Variants in CREB5 observed in about 807,000 individuals in gnomAD.
CREB5 encodes the protein cyclic AMP-responsive element-binding protein 5.
Under a neutral mutation model 57.1 loss-of-function variants are expected in CREB5, and 19 were observed. The ratio of observed to expected loss-of-function variants is 0.33; its 90% CI spans 0.23 to 0.49. CREB5 has a LOEUF of 0.49. Among genes scored for constraint, CREB5 ranks in the 20% least tolerant of loss-of-function variants. The pLI is 0.99. For synonymous variants in CREB5, 238 were observed against 238.3 expected (o/e 1.00, Z 0.01); for missense variants, 579 against 671.6 (o/e 0.86, Z 1.52).
chr7:28,513,847 A>C (rs1283776399), intron 4 of CREB5: 3 of 152,334 alleles, frequency 2.0e-5, no homozygotes, highest in Non-Finnish European at 4.4e-5. Context: ...ATGTGATCTC[A>C]GGTTCTGCTT....
intron 1 of CREB5, among the ~76,000 whole-genome samples, chr7:28,389,378 A>C (rs1787168831): frequency 6.6e-6 from 1 of 152,156 alleles, no homozygotes; most frequent in Non-Finnish European, 1.5e-5. Context: ...AACCAACAAC[A>C]ACTACGTGCA....
chr7:28,539,007 T>G (rs117394459), intron 4 of CREB5, among the ~76,000 whole-genome samples: 2,124 of 152,370 alleles, frequency 0.014, 32 homozygotes, highest in Middle Eastern at 0.058. Flanking sequence ...CATTATGGCT[T>G]GAAACTAATA....
At chr7:28,364,684 C>T (rs1469029709) in intron 1 of CREB5, among the ~76,000 whole-genome samples, 1 of 152,132 alleles carries the variant, frequency 6.6e-6, no homozygotes, top group East Asian at 1.9e-4. Flanking sequence ...TGATCTTGAC[C>T]CTCTTGCTCC....
intron 7 of CREB5, among the ~76,000 whole-genome samples, chr7:28,738,050 C>T (rs983020653): frequency 1.3e-5 from 2 of 152,022 alleles, no homozygotes; most frequent in Middle Eastern, 3.2e-3. Flanking sequence ...AACATTAAAC[C>T]TGTTAATGTT....
chr7:28,817,972 A>T, intron 9 of CREB5, 99 bp from the exon 10 acceptor site: 1 of 750,490 alleles, frequency 1.3e-6, no homozygotes, highest in Non-Finnish European at 2.2e-6. Flanking sequence ...ATTTAGACAT[A>T]ATGGAAGAGT....
chr7:28,578,121 A>C (rs1276863502), intron 5 of CREB5, among the ~76,000 whole-genome samples: 3 of 152,370 alleles, frequency 2.0e-5, no homozygotes, highest in Middle Eastern at 3.4e-3. Flanking sequence ...GCTTTAGCTC[A>C]TATCACTGGT....
intron 1 of CREB5, among the ~76,000 whole-genome samples, chr7:28,382,916 G>T (rs189959025): frequency 3.3e-5 from 5 of 152,114 alleles, no homozygotes; most frequent in Admixed American, 1.3e-4. Flanking sequence ...AGTGAAAATC[G>T]CCTGGCTGTC....
At chr7:28,451,129 GT>G (rs1000977938) in intron 1 of CREB5, among the ~76,000 whole-genome samples, 15 of 152,324 alleles carry the variant, frequency 9.8e-5, no homozygotes, top group Admixed American at 9.1e-4. Flanking sequence ...TGTCTATGGA[GT>G]GGGTGTGAGG....
At chr7:28,793,446 A>G (rs145044124) in intron 7 of CREB5, among the ~76,000 whole-genome samples, 36 of 152,334 alleles carry the variant, frequency 2.4e-4, no homozygotes, top group East Asian at 1.5e-3. Flanking sequence ...GCCCAATGGT[A>G]CACATCTTGC....
chr7:28,358,972 CCT>C (rs973973562), intron 1 of CREB5, among the ~76,000 whole-genome samples: 2 of 152,154 alleles, frequency 1.3e-5, no homozygotes, highest in African/African-American at 4.8e-5. Flanking sequence ...TTTCTTTTCC[CCT>C]CTCCTTTCTT....
upstream of CREB5, among the ~76,000 whole-genome samples, chr7:28,411,659 C>T (rs184776429): frequency 2.0e-5 from 3 of 151,926 alleles, no homozygotes; most frequent in Non-Finnish European, 4.4e-5. Context: ...TTGGAGTGGT[C>T]CCTGATTTGG....
chr7:28,807,745 T>A (rs1808828763), intron 8 of CREB5, among the ~76,000 whole-genome samples: 1 of 151,800 alleles, frequency 6.6e-6, no homozygotes, highest in Non-Finnish European at 1.5e-5. Flanking sequence ...AACAACTTTA[T>A]AGGTATTACC....
intron 1 of CREB5, among the ~76,000 whole-genome samples, chr7:28,431,797 G>A (rs1401924089): frequency 6.6e-6 from 1 of 152,030 alleles, no homozygotes; most frequent in Non-Finnish European, 1.5e-5. Context: ...CTGTGCCATG[G>A]TTTAGAAAAA....
intron 7 of CREB5, among the ~76,000 whole-genome samples, chr7:28,727,281 G>A (rs977716374): frequency 4.6e-5 from 7 of 152,078 alleles, no homozygotes; most frequent in Non-Finnish European, 8.8e-5. Flanking sequence ...CCTTTTGGGG[G>A]TCAGAGCAGA....
At chr7:28,662,282 G>C (rs143485844) in intron 5 of CREB5, among the ~76,000 whole-genome samples, 287 of 152,302 alleles carry the variant, frequency 1.9e-3, no homozygotes, top group Middle Eastern at 6.8e-3. Context: ...TGGACAAGAC[G>C]TTGAAGGGGC....
intron 5 of CREB5, among the ~76,000 whole-genome samples, chr7:28,621,490 A>C (rs1032129516): frequency 4.6e-5 from 7 of 152,348 alleles, no homozygotes; most frequent in African/African-American, 1.7e-4. Flanking sequence ...AGACCTTCAC[A>C]GACTAAATTC....
chr7:28,607,898 TCCTC>T (rs1427368599), intron 5 of CREB5, among the ~76,000 whole-genome samples: 1 of 151,804 alleles, frequency 6.6e-6, no homozygotes, highest in African/African-American at 2.4e-5. Flanking sequence ...GAATTTCTCT[TCCTC>T]CCTCTGGCTT....
chr7:28,626,297 T>C (rs1033936696), intron 5 of CREB5, among the ~76,000 whole-genome samples: 4 of 152,080 alleles, frequency 2.6e-5, no homozygotes, highest in African/African-American at 9.7e-5. Flanking sequence ...TGTGGAAGAG[T>C]TCAAATTTGA....
At chr7:28,687,296 AG>A (rs991078182) in intron 5 of CREB5, among the ~76,000 whole-genome samples, 6 of 151,924 alleles carry the variant, frequency 3.9e-5, no homozygotes, top group Admixed American at 2.6e-4. Flanking sequence ...TTCAGTAGTG[AG>A]GGGGCGATGA....
Sources: gnomAD v4.1 joint callset for allele counts (sites outside exome capture counted in the v4.1 genomes callset) on GRCh38, gnomAD v4.1.1 for gene constraint, MANE v1.5 for transcripts, NCBI Gene and HGNC (gene_info 2026-07-23, HGNC 2026-07-21) for gene names.